The following WDR7 variants were observed in gnomAD, a reference collection of about 807,000 sequenced individuals.
WDR7 encodes WD repeat domain 7, also known as WD repeat-containing protein 7.
WDR7 carries 46 observed loss-of-function variants against 169.4 expected under a neutral mutation model. The ratio of observed to expected loss-of-function variants is 0.27; its 90% CI spans 0.21 to 0.35. WDR7 has a LOEUF of 0.35. Ranked by LOEUF, WDR7 falls within the 10% of genes least tolerant of loss-of-function variation. The pLI is 1.00. For synonymous variants in WDR7, 612 were observed against 666.8 expected (o/e 0.92, Z 1.27); for missense variants, 1,534 against 1,859.3 (o/e 0.83, Z 3.22).
At chr18:56,687,321 G>C (rs2025463033) in intron 7 of WDR7, among the ~76,000 whole-genome samples, 1 of 152,202 alleles carries the variant, frequency 6.6e-6, no homozygotes, top group South Asian at 2.1e-4. Context: ...AAAGCTAATA[G>C]TCAATATTTT....
chr18:56,993,484 A>T (rs1599228114), intron 26 of WDR7, among the ~76,000 whole-genome samples: 1 of 152,198 alleles, frequency 6.6e-6, no homozygotes, highest in Non-Finnish European at 1.5e-5. Context: ...CTGTGATTTT[A>T]AATTTTTATT....
intron 20 of WDR7, among the ~76,000 whole-genome samples, chr18:56,820,354 A>AC (rs1477419386): frequency 2.7e-5 from 4 of 146,590 alleles, no homozygotes; most frequent in African/African-American, 1.0e-4. Flanking sequence ...AAAAAAAAAA[A>AC]AAAAAAAAAA....
intron 20 of WDR7, among the ~76,000 whole-genome samples, chr18:56,846,656 C>A (rs2045572830): frequency 6.6e-6 from 1 of 152,114 alleles, no homozygotes; most frequent in South Asian, 2.1e-4. Context: ...TGAGTGAGTT[C>A]TCATTCTGGT....
At chr18:56,874,246 T>G (rs2045992147) in intron 20 of WDR7, among the ~76,000 whole-genome samples, 1 of 152,196 alleles carries the variant, frequency 6.6e-6, no homozygotes, top group Non-Finnish European at 1.5e-5. Flanking sequence ...AAGGTTCTTC[T>G]AAACACAGAG....
chr18:56,725,570 TAGATTGCA>T (rs2026429942), intron 13 of WDR7, among the ~76,000 whole-genome samples: 1 of 152,166 alleles, frequency 6.6e-6, no homozygotes, highest in South Asian at 2.1e-4. Context: ...GTCAGATGAG[TAGATTGCA>T]AAAATTTTCT....
At chr18:56,953,373 A>G (rs1471645693) in intron 25 of WDR7, among the ~76,000 whole-genome samples, 5 of 152,252 alleles carry the variant, frequency 3.3e-5, no homozygotes, top group Admixed American at 2.0e-4. Context: ...ACTGGTTTTT[A>G]ACATATAAAT....
chr18:56,670,209 C>T (rs536299347), intron 1 of WDR7, among the ~76,000 whole-genome samples: 4 of 152,252 alleles, frequency 2.6e-5, no homozygotes, highest in African/African-American at 7.2e-5. Flanking sequence ...ATATACTATT[C>T]TATCATCATA....
rs2026587419 is a variant in WDR7, at chr18:56,731,540, C to T, written c.1932C>T (p.Ala644=). ...GTCTTGCTGCTCTTAAAAATATGGC[C>T]CATCATAAGCTACAAACCCTTGCAA... ...RRSLAALKNM[A]HHKLQTLATN... is the part of the protein sequence containing the mutation. The change falls in exon 14 of 28, where the codon GCC becomes GCT. Residue 644 remains alanine, a synonymous_variant. Transcript: ENST00000254442. The T allele has an allele frequency of 1.2e-6, 2 of 1,614,014 alleles. No homozygotes were observed. Among genetic ancestry groups the T allele is most frequent in the Non-Finnish European group, 1.7e-6 (2 of 1,179,998 alleles).
intron 19 of WDR7, among the ~76,000 whole-genome samples, chr18:56,783,670 C>G (rs1020839432): frequency 6.6e-6 from 1 of 152,026 alleles, no homozygotes; most frequent in African/African-American, 2.4e-5. Flanking sequence ...TTATGGGAAC[C>G]AGACCTAAAT....
In WDR7 at chr18:56,672,519, G is replaced by A. The variant is rs765044973; in HGVS notation, c.4G>A (p.Ala2Thr). 2 of 1,551,404 alleles carry A rather than the reference G, an allele frequency of 1.3e-6. No homozygotes were observed. Among genetic ancestry groups the A allele is most frequent in the African/African-American group, 2.7e-5 (2 of 72,776 alleles). M[A>T]GNSLVLPIVL... Reference sequence around the variant, plus strand: ...CAGGTTTGAAAACACAAACACAATGGCAGGAAACAGCCTTGTTCTACCCAT... The same window carrying A: ...CAGGTTTGAAAACACAAACACAATGACAGGAAACAGCCTTGTTCTACCCAT... The change falls in exon 2 of 28, where the codon GCA becomes ACA. Residue 2 changes from alanine to threonine, a missense_variant. Transcript: ENST00000254442.
chr18:57,032,806 TATATATATATATATATA>T (rs1296798205), downstream of WDR7: 629 of 14,538 alleles, frequency 0.043, 22 homozygotes, highest in African/African-American at 0.13. Context: ...TTATTTTATA[TATATATATATATATATA>T]TATATATATA....
chr18:56,853,986 T>C (rs754996151), intron 20 of WDR7, among the ~76,000 whole-genome samples: 1 of 152,236 alleles, frequency 6.6e-6, no homozygotes, highest in Non-Finnish European at 1.5e-5. Context: ...TTACAAACAA[T>C]GTTGTTATGA....
chr18:57,003,707 G>C (rs2048015095), intron 26 of WDR7, among the ~76,000 whole-genome samples: 1 of 151,956 alleles, frequency 6.6e-6, no homozygotes, highest in South Asian at 2.1e-4. Flanking sequence ...ATGATTGTTG[G>C]ATTTAATAAT....
chr18:56,849,943 A>C (rs2045617830), intron 20 of WDR7, among the ~76,000 whole-genome samples: 1 of 152,148 alleles, frequency 6.6e-6, no homozygotes, highest in African/African-American at 2.4e-5. Flanking sequence ...CTTATGTATG[A>C]TCTGCTCCTG....
intron 14 of WDR7, among the ~76,000 whole-genome samples, chr18:56,747,906 TTTC>T (rs1211764395): frequency 6.6e-6 from 1 of 152,264 alleles, no homozygotes; most frequent in East Asian, 1.9e-4. Flanking sequence ...CAGTTTTTTT[TTTC>T]TTCTTTTCAT....
At chr18:56,676,521 T>C (rs572038884) in intron 2 of WDR7, among the ~76,000 whole-genome samples, 69 of 152,230 alleles carry the variant, frequency 4.5e-4, no homozygotes, top group Non-Finnish European at 8.8e-4. Context: ...TTTATTTTCT[T>C]GCTTTTTATT....
intron 1 of WDR7, among the ~76,000 whole-genome samples, chr18:56,653,168 A>G (rs540717564): frequency 6.6e-6 from 1 of 151,390 alleles, no homozygotes; most frequent in South Asian, 2.1e-4. Context: ...ACTCAATTCA[A>G]TGGGCTGTTC....
At position 56,680,587 on chromosome 18, in the gene WDR7, A is replaced by G. The variant is rs569311921; in HGVS notation, c.267-726A>G. Among the ~76,000 whole-genome samples, 25 of 152,332 alleles carry G rather than the reference A, an allele frequency of 1.6e-4. No individual in the cohort carries two copies. The East Asian group carries it at 1.9e-3, about 12-fold the overall frequency. ...TCTTAAAGAAAACTCTAATAATATCAGGATCATTGCATTTTATTAATTTTT... is the reference window on the plus strand; with the variant it reads ...TCTTAAAGAAAACTCTAATAATATCGGGATCATTGCATTTTATTAATTTTT... On this transcript the variant is annotated intron_variant, in intron 3 of 27. Coordinates refer to ENST00000254442, the MANE Select transcript of WDR7 (RefSeq NM_015285.3).
chr18:56,972,125 G>T (rs563414131), intron 26 of WDR7, among the ~76,000 whole-genome samples: 3 of 152,308 alleles, frequency 2.0e-5, no homozygotes, highest in African/African-American at 7.2e-5. Context: ...ATGAGCCAAT[G>T]TAATCTTCTA....
Sources: allele counts gnomAD v4.1 joint callset (sites outside exome capture counted in the v4.1 genomes callset), GRCh38; gene constraint gnomAD v4.1.1; transcripts MANE v1.5; gene names NCBI Gene and HGNC (gene_info 2026-07-23, HGNC 2026-07-21).